The following RBFOX1 variants were observed in gnomAD, a reference collection of about 807,000 sequenced individuals.
RBFOX1 encodes the protein RNA binding protein fox-1 homolog 1.
RBFOX1 carries 8 observed loss-of-function variants against 57.7 expected under a neutral mutation model. The observed-to-expected ratio is 0.14, with a 90% CI of 0.08 to 0.25. The LOEUF is 0.25. Ranked by LOEUF, RBFOX1 falls within the 10% of genes least tolerant of loss-of-function variation. The pLI is 1.00. For missense variants in RBFOX1, 611 were observed against 548.5 expected (o/e 1.11, Z -1.14); for synonymous variants, 326 against 222.4 (o/e 1.47, Z -4.15).
chr16:6,940,386 C>G (rs1052547052), intron 3 of RBFOX1, among the ~76,000 whole-genome samples: 2 of 152,146 alleles, frequency 1.3e-5, no homozygotes, highest in African/African-American at 4.8e-5. Flanking sequence ...CCGACAATTC[C>G]AGGAACTTAA....
chr16:7,365,296 G>A (rs1343565504), intron 4 of RBFOX1, among the ~76,000 whole-genome samples: 1 of 152,192 alleles, frequency 6.6e-6, no homozygotes, highest in East Asian at 1.9e-4. Flanking sequence ...CACTTATTTT[G>A]TAGCAGGGAA....
intron 4 of RBFOX1, among the ~76,000 whole-genome samples, chr16:7,302,687 A>G (rs1338251968): frequency 6.6e-6 from 1 of 152,002 alleles, no homozygotes; most frequent in Middle Eastern, 3.2e-3. Context: ...TATTAAAAAA[A>G]TATGGCTACT....
intron 3 of RBFOX1, among the ~76,000 whole-genome samples, chr16:5,830,680 G>T (rs926274549): frequency 6.6e-6 from 1 of 152,174 alleles, no homozygotes; most frequent in Non-Finnish European, 1.5e-5. Flanking sequence ...AATCATGTCA[G>T]TGTGTCCTCT....
chr16:6,546,151 C>T (rs79869324), intron 2 of RBFOX1, among the ~76,000 whole-genome samples: 4,772 of 152,250 alleles, frequency 0.031, 268 homozygotes, highest in African/African-American at 0.1. Context: ...CACATGTGAC[C>T]TGTGGGCCAT....
intron 4 of RBFOX1, among the ~76,000 whole-genome samples, chr16:7,178,637 T>G (rs1337779685): frequency 6.6e-6 from 1 of 152,210 alleles, no homozygotes; most frequent in Non-Finnish European, 1.5e-5. Context: ...AGGAAACTAC[T>G]CTTTAGACCT....
chr16:6,580,920 T>G (rs926662348), intron 2 of RBFOX1, among the ~76,000 whole-genome samples: 3 of 150,316 alleles, frequency 2.0e-5, no homozygotes, highest in Non-Finnish European at 4.4e-5. Flanking sequence ...TTTTTTTTTT[T>G]TTTTGCCCTT....
intron 4 of RBFOX1, among the ~76,000 whole-genome samples, chr16:7,257,910 C>G (rs1365208959): frequency 6.6e-6 from 1 of 152,126 alleles, no homozygotes; most frequent in Non-Finnish European, 1.5e-5. Context: ...CAAGGAGATT[C>G]CATCTTCGTA....
chr16:5,833,862 A>G (rs1788696060), intron 3 of RBFOX1, among the ~76,000 whole-genome samples: 2 of 152,196 alleles, frequency 1.3e-5, no homozygotes, highest in South Asian at 4.1e-4. Context: ...ATCATGTACT[A>G]TTTGGAAGCA....
At chr16:6,414,420 G>T (rs556757175) in intron 2 of RBFOX1, among the ~76,000 whole-genome samples, 13 of 152,190 alleles carry the variant, frequency 8.5e-5, no homozygotes, top group African/African-American at 1.2e-4. Flanking sequence ...CCCAGGTGTG[G>T]GAATTAGGCA....
intron 1 of RBFOX1, among the ~76,000 whole-genome samples, chr16:6,144,209 G>A (rs1295307962): frequency 6.6e-6 from 1 of 152,080 alleles, no homozygotes; most frequent in East Asian, 1.9e-4. Context: ...GACTATAAGT[G>A]CTGGGATCAT....
At chr16:5,780,713 C>T (rs1217311612) in intron 3 of RBFOX1, among the ~76,000 whole-genome samples, 2 of 152,220 alleles carry the variant, frequency 1.3e-5, no homozygotes, top group Non-Finnish European at 1.5e-5. Flanking sequence ...CACTCAGCTT[C>T]TGAAATTCCA....
At chr16:5,840,418 C>T (rs761567572) in intron 3 of RBFOX1, among the ~76,000 whole-genome samples, 9 of 152,116 alleles carry the variant, frequency 5.9e-5, no homozygotes, top group Admixed American at 2.0e-4. Context: ...GGCTGTGTGC[C>T]CCAGAGGATG....
At chr16:7,014,397 T>A (rs967469415) in intron 3 of RBFOX1, among the ~76,000 whole-genome samples, 2 of 151,876 alleles carry the variant, frequency 1.3e-5, no homozygotes, top group Admixed American at 6.6e-5. Context: ...TTTTATTTTT[T>A]TGTTTTTATT....
chr16:7,540,629 A>G (rs766188346), intron 5 of RBFOX1, among the ~76,000 whole-genome samples: 3 of 152,170 alleles, frequency 2.0e-5, no homozygotes, highest in Admixed American at 6.5e-5. Context: ...GACATAAAAG[A>G]TGTCCGTAAA....
intron 4 of RBFOX1, among the ~76,000 whole-genome samples, chr16:7,327,579 T>C (rs1476082476): frequency 6.6e-6 from 1 of 152,230 alleles, no homozygotes; most frequent in Admixed American, 6.5e-5. Context: ...TTTTGTTCTG[T>C]TTTGATAGTC....
intron 1 of RBFOX1, among the ~76,000 whole-genome samples, chr16:5,355,625 C>A (rs746957425): frequency 6.6e-5 from 10 of 152,130 alleles, no homozygotes; most frequent in Non-Finnish European, 1.5e-4. Flanking sequence ...TTAGAAGGGG[C>A]CTGTAGTGGG....
At chr16:6,930,925 A>ATG (rs1567939059) in intron 3 of RBFOX1, among the ~76,000 whole-genome samples, 2 of 151,672 alleles carry the variant, frequency 1.3e-5, no homozygotes, top group African/African-American at 4.8e-5. Context: ...GTGTATTTGT[A>ATG]TGTATATTCA....
intron 4 of RBFOX1, among the ~76,000 whole-genome samples, chr16:7,087,325 C>G (rs2060142808): frequency 6.6e-6 from 1 of 152,114 alleles, no homozygotes; most frequent in African/African-American, 2.4e-5. Flanking sequence ...GTGGGGCTTC[C>G]GTGAATCTCC....
chr16:7,255,084 GT>G (rs2094624076), intron 4 of RBFOX1, among the ~76,000 whole-genome samples: 1 of 152,104 alleles, frequency 6.6e-6, no homozygotes. Context: ...AACGTTAGCT[GT>G]TATTTAGGGA....
Sources: allele counts gnomAD v4.1 joint callset (sites outside exome capture counted in the v4.1 genomes callset), GRCh38; gene constraint gnomAD v4.1.1; transcripts MANE v1.5; gene names NCBI Gene and HGNC (gene_info 2026-07-23, HGNC 2026-07-21).